The following TTC7B variants were observed in gnomAD, a reference collection of about 807,000 sequenced individuals.
The protein encoded by TTC7B is tetratricopeptide repeat protein 7B.
Under a neutral mutation model 106.8 loss-of-function variants are expected in TTC7B, and 28 were observed. The observed-to-expected ratio is 0.26, with a 90% CI of 0.19 to 0.36. The LOEUF (loss-of-function observed/expected upper bound fraction) is 0.36. Ranked by LOEUF, TTC7B falls within the 10% of genes least tolerant of loss-of-function variation. The probability of loss-of-function intolerance (pLI) is 1.00; values close to 1 mark genes in which losing one functional copy is unlikely to be tolerated. For missense variants in TTC7B, 862 were observed against 1,076.4 expected (o/e 0.80, Z 2.79); for synonymous variants, 405 against 430.6 (o/e 0.94, Z 0.74).
At chr14:90,684,605 AC>A (rs1246332859) in intron 7 of TTC7B, among the ~76,000 whole-genome samples, 5 of 152,218 alleles carry the variant, frequency 3.3e-5, no homozygotes, top group Admixed American at 6.5e-5. Context: ...ATAAAGTTAG[AC>A]AAAAGAAGTT....
rs550611669 is a variant in TTC7B, at chr14:90,557,559, C to T, written c.2311-15970G>A. Among the ~76,000 whole-genome samples, 388 of 152,366 alleles carry T rather than the reference C, an allele frequency of 2.5e-3. 1 individual carries two copies. The highest frequency in any genetic ancestry group is 8.6e-3 in the African/African-American group (356 of 41,594). ...CTAGGACTTGAGTGGCAGCAGCCAACGCAGCCAGGGAGGGCTTCCTGGAGG... is the reference window on the plus strand; with the variant it reads ...CTAGGACTTGAGTGGCAGCAGCCAATGCAGCCAGGGAGGGCTTCCTGGAGG... On this transcript the variant is annotated intron_variant, in intron 19 of 19. Coordinates refer to ENST00000328459, the MANE Select transcript of TTC7B (RefSeq NM_001010854.2).
In TTC7B at chr14:90,538,835, T is replaced by C. The variant is rs892043278; in HGVS notation, c.*2533A>G. On this transcript the variant is annotated 3_prime_UTR_variant, in exon 20 of 20. Coordinates refer to ENST00000328459, the MANE Select transcript of TTC7B (RefSeq NM_001010854.2). ...TGTATGGATTCCTATGATGGAAAAA[T>C]CTCGGGCCGCAGTGCTCCAGCGGTG... 1 of 152,042 alleles carries C rather than the reference T, an allele frequency of 6.6e-6. No individual in the cohort carries two copies. Among genetic ancestry groups the C allele is most frequent in the African/African-American group, 2.4e-5 (1 of 41,390 alleles). 9.4% of individuals were successfully genotyped at this position (152,042 alleles called of 1,614,324 possible). A position where few individuals can be genotyped will look rare whatever the true frequency, so the allele number is the denominator to read the frequency against.
At chr14:90,545,988 T>A (rs1889813979) in intron 19 of TTC7B, among the ~76,000 whole-genome samples, 1 of 152,230 alleles carries the variant, frequency 6.6e-6, no homozygotes, top group African/African-American at 2.4e-5. Context: ...TGGAATTAAT[T>A]CCTAAAGCTG....
chr14:90,660,631 GA>G (rs1886165264), intron 9 of TTC7B, among the ~76,000 whole-genome samples: 1 of 152,068 alleles, frequency 6.6e-6, no homozygotes, highest in Admixed American at 6.5e-5. Context: ...AAAATGATGG[GA>G]TGTTCAGGAT....
rs528985925 is a variant in TTC7B, at chr14:90,686,835, A to T, written c.950+2705T>A. Among the ~76,000 whole-genome samples the T allele has an allele frequency of 1.3e-5, 2 of 152,390 alleles. 1 individual carries two copies. Among genetic ancestry groups the T allele is most frequent in the South Asian group, 4.1e-4 (2 of 4,832 alleles). ...AAGAAATACAAGCTTTATATCCTGA[A>T]AAATACAAATCATTGTTGAAAGAAA... On this transcript the variant is annotated intron_variant, in intron 7 of 19. Coordinates refer to ENST00000328459, the MANE Select transcript of TTC7B (RefSeq NM_001010854.2).
Position 90,808,886 on chromosome 14 carries a change from G to T in TTC7B, c.121+7289C>A, listed in dbSNP as rs1272370087. ...GCCATTCCTGCGTGCCCAGGGCACAGCTGGCCGGGCAGCTGGGGTGCAGGG... is the reference window on the plus strand; with the variant it reads ...GCCATTCCTGCGTGCCCAGGGCACATCTGGCCGGGCAGCTGGGGTGCAGGG... On this transcript the variant is annotated intron_variant, in intron 1 of 19. Transcript: ENST00000328459. The surrounding 1 kb of genome is among the most constrained non-coding windows in gnomAD (Gnocchi z 4.2). Among the ~76,000 whole-genome samples, 1 of 152,358 alleles carries T rather than the reference G, an allele frequency of 6.6e-6. No individual in the cohort carries two copies. Among genetic ancestry groups the T allele is most frequent in the East Asian group, 1.9e-4 (1 of 5,178 alleles).
chr14:90,701,165 C>G (rs1454247875), intron 5 of TTC7B, among the ~76,000 whole-genome samples: 1 of 152,128 alleles, frequency 6.6e-6, no homozygotes, highest in East Asian at 1.9e-4. Context: ...GTGTGACAGC[C>G]ATCCACGCCG....
intron 5 of TTC7B, among the ~76,000 whole-genome samples, chr14:90,707,233 G>T (rs1162040585): frequency 2.0e-5 from 3 of 152,064 alleles, no homozygotes; most frequent in Non-Finnish European, 2.9e-5. Context: ...ATAATTGTTT[G>T]GGGGTGCCAC....
At chr14:90,558,036 C>T (rs190772964) in intron 19 of TTC7B, among the ~76,000 whole-genome samples, 13 of 152,336 alleles carry the variant, frequency 8.5e-5, no homozygotes, top group East Asian at 7.7e-4. Flanking sequence ...CTGCAGTCCC[C>T]GGCACATTCT....
rs1889436543 is a variant in TTC7B at position 90,537,183 on chromosome 14, A to C, written c.*4185T>G. Reference sequence around the variant, plus strand: ...AAGACGCTAAGTTTGCGGTCATTTAAAATTTTTAATTTATTTTATTTGTAG... The same window carrying C: ...AAGACGCTAAGTTTGCGGTCATTTACAATTTTTAATTTATTTTATTTGTAG... On this transcript the variant is annotated 3_prime_UTR_variant, in exon 20 of 20. Coordinates refer to ENST00000328459, the MANE Select transcript of TTC7B (RefSeq NM_001010854.2). 6.6e-6 allele frequency: 1 copy of C among 152,166 alleles called. No homozygotes were observed. The highest frequency in any genetic ancestry group is 1.5e-5 in the Non-Finnish European group (1 of 68,036). 9.4% of individuals were successfully genotyped at this position (152,166 alleles called of 1,614,324 possible).
chr14:90,694,720 A>ATATTTTATTTTATTATAAAATG (rs60637908), intron 6 of TTC7B, among the ~76,000 whole-genome samples: 1 of 130,408 alleles, frequency 7.7e-6, no homozygotes, highest in Non-Finnish European at 1.6e-5. Flanking sequence ...ATTATAAAAT[A>ATATTTTATTTTATTATAAAATG]GGTATATTTT....
chr14:90,555,408 AG>A lies in TTC7B; in HGVS notation c.2311-13820del, dbSNP rs540305342. ...CAGGTGACATAAGAGGACCTAGGGA[AG>A]GGGGGGGTGTTTGATGGGGATGTCT... On this transcript the variant is annotated intron_variant, in intron 19 of 19. Transcript: ENST00000328459. Among the ~76,000 whole-genome samples the A allele has an allele frequency of 1.8e-4, 27 of 151,772 alleles. No individual in the cohort carries two copies. The South Asian group carries it at 4.2e-3, about 23-fold the overall frequency.
chr14:90,792,990 C>T (rs894354132), intron 1 of TTC7B, among the ~76,000 whole-genome samples: 2 of 152,070 alleles, frequency 1.3e-5, no homozygotes, highest in African/African-American at 4.8e-5. Flanking sequence ...GTAATCCCCA[C>T]CTGTCAAAGG....
intron 1 of TTC7B, among the ~76,000 whole-genome samples, chr14:90,789,822 G>A (rs1010282840): frequency 2.0e-5 from 3 of 151,908 alleles, no homozygotes; most frequent in Non-Finnish European, 2.9e-5. Flanking sequence ...CGTGAACCTG[G>A]GGGGTGGAGC....
intron 4 of TTC7B, among the ~76,000 whole-genome samples, chr14:90,731,913 T>G (rs751453965): frequency 6.6e-6 from 1 of 152,188 alleles, no homozygotes; most frequent in Non-Finnish European, 1.5e-5. Context: ...TTAAAAATCA[T>G]CCTTCATTTG....
intron 9 of TTC7B, among the ~76,000 whole-genome samples, chr14:90,666,124 C>T (rs1217021087): frequency 6.6e-6 from 1 of 152,192 alleles, no homozygotes; most frequent in East Asian, 1.9e-4. Context: ...TCAGAGCCAA[C>T]ATCTCATGAT....
At chr14:90,727,139 G>A (rs1265857678) in intron 5 of TTC7B, among the ~76,000 whole-genome samples, 1 of 152,200 alleles carries the variant, frequency 6.6e-6, no homozygotes, top group Non-Finnish European at 1.5e-5. Flanking sequence ...GATGCTTTGT[G>A]ACGCGCTGTA....
intron 17 of TTC7B, among the ~76,000 whole-genome samples, chr14:90,594,423 C>T (rs1727954099): frequency 6.6e-6 from 1 of 152,220 alleles, no homozygotes; most frequent in Admixed American, 6.5e-5. Flanking sequence ...TCACGTTGAC[C>T]TCTCGGAGGA....
intron 7 of TTC7B, among the ~76,000 whole-genome samples, chr14:90,681,317 A>G (rs934653715): frequency 2.6e-5 from 4 of 152,162 alleles, no homozygotes; most frequent in Non-Finnish European, 5.9e-5. Context: ...GTCAAACTCA[A>G]TATTTTTTCA....
Sources: allele counts gnomAD v4.1 joint callset (sites outside exome capture counted in the v4.1 genomes callset), GRCh38; gene constraint gnomAD v4.1.1; non-coding constraint Gnocchi (gnomAD v3.1); transcripts MANE v1.5; gene names NCBI Gene and HGNC (gene_info 2026-07-23, HGNC 2026-07-21).